SCUBE3: variants seen among roughly 807,000 people sequenced by gnomAD.
SCUBE3 encodes signal peptide, CUB domain and EGF like domain containing 3.
In SCUBE3, 33 loss-of-function variants were observed where a neutral mutation model predicts 116.8. The ratio of observed to expected loss-of-function variants is 0.28; its 90% CI spans 0.21 to 0.38. The LOEUF (loss-of-function observed/expected upper bound fraction) is 0.38, where lower values mean the gene tolerates loss of function less well. Among genes scored for constraint, SCUBE3 ranks in the 10% least tolerant of loss-of-function variants. The pLI is 1.00. For missense variants in SCUBE3, 1,007 were observed against 1,324.8 expected (o/e 0.76, Z 3.72); for synonymous variants, 418 against 496.9 (o/e 0.84, Z 2.11).
In SCUBE3 at chr6:35,241,420, A is replaced by G; in HGVS notation, c.1196-123A>G. The G allele has an allele frequency of 1.8e-6, 2 of 1,124,672 alleles. No individual in the cohort carries two copies. Among genetic ancestry groups the G allele is most frequent in the South Asian group, 1.4e-5 (1 of 73,474 alleles). The allele number at this position is 1,124,672 out of a possible 1,614,324, so 69.7% of individuals were successfully genotyped here. On this transcript the variant is annotated intron_variant, in intron 10 of 21. Transcript: ENST00000274938. This position sits in a 1 kb window ranked among gnomAD's most constrained non-coding sequence, Gnocchi z 4.1. ...GAGTTAAAGACATGAAATTTGTAGT[A>G]AACAATCCCATCATCAGTCTCCATG... is the stretch of plus-strand genomic sequence containing the variant.
rs552873745 is a variant in SCUBE3 at position 35,239,175 on chromosome 6, C to T, written c.830-577C>T. On this transcript the variant is annotated intron_variant, in intron 7 of 21. Coordinates refer to ENST00000274938, the MANE Select transcript of SCUBE3 (RefSeq NM_152753.4). This position sits in a 1 kb window ranked among gnomAD's most constrained non-coding sequence, Gnocchi z 4.1. ...CCAGTCCAGCCCCTTGCCTGGCCCCCAGCCCTCCCCCATCAGCTACCCAGC... is the reference window on the plus strand; with the variant it reads ...CCAGTCCAGCCCCTTGCCTGGCCCCTAGCCCTCCCCCATCAGCTACCCAGC... Among the ~76,000 whole-genome samples, 2 of 152,196 alleles carry T rather than the reference C, an allele frequency of 1.3e-5. No individual in the cohort carries two copies. Among genetic ancestry groups the T allele is most frequent in the Admixed American group, 1.3e-4 (2 of 15,288 alleles).
chr6:35,233,382 G>A lies in SCUBE3; in HGVS notation c.712+81G>A, dbSNP rs1381398541. The stretch of plus-strand genomic sequence containing the variant: ...CTTTGGGAACCAGGGAAGTGGAGGA[G>A]TGCATGGGGCCCAGGTGCTGGGCAC... On this transcript the variant is annotated intron_variant, in intron 6 of 21. Coordinates refer to ENST00000274938, the MANE Select transcript of SCUBE3 (RefSeq NM_152753.4). The surrounding 1 kb of genome is among the most constrained non-coding windows in gnomAD (Gnocchi z 5.7). 9 of 860,378 alleles carry A rather than the reference G, an allele frequency of 1.0e-5. No individual in the cohort carries two copies. The highest frequency in any genetic ancestry group is 1.6e-5 in the African/African-American group (1 of 60,778). The allele number at this position is 860,378 out of a possible 1,614,324, so 53.3% of individuals were successfully genotyped here.
At chr6:35,225,447 A>T (rs1467105360) in intron 1 of SCUBE3, among the ~76,000 whole-genome samples, 1 of 152,230 alleles carries the variant, frequency 6.6e-6, no homozygotes, top group Admixed American at 6.5e-5. Flanking sequence ...CCTATGAACT[A>T]GTCTTCCATG....
At chr6:35,217,579 C>T (rs1468954753) in intron 1 of SCUBE3, among the ~76,000 whole-genome samples, 1 of 151,994 alleles carries the variant, frequency 6.6e-6, no homozygotes, top group Non-Finnish European at 1.5e-5. Context: ...CTTTCTCCCA[C>T]CCTTCTCTTC....
chr6:35,240,938 C>A lies in SCUBE3; in HGVS notation c.1070-203C>A, dbSNP rs2150309671. On this transcript the variant is annotated intron_variant, in intron 9 of 21. Coordinates refer to ENST00000274938, the MANE Select transcript of SCUBE3 (RefSeq NM_152753.4). The surrounding 1 kb of genome is among the most constrained non-coding windows in gnomAD (Gnocchi z 4.6). ...ATTGTAAGAATATTTAACAAGAGAT[C>A]TACCCTCTTAAGTTTTTAAGTGTAC... Among the ~76,000 whole-genome samples, 1 of 152,342 alleles carries A rather than the reference C, an allele frequency of 6.6e-6. No individual in the cohort carries two copies. The highest frequency in any genetic ancestry group is 2.4e-5 in the African/African-American group (1 of 41,582).
chr6:35,220,486 G>A (rs1320882923), intron 1 of SCUBE3: 1 of 152,136 alleles, frequency 6.6e-6, no homozygotes, highest in Non-Finnish European at 1.5e-5. Context: ...ACAATGTTCT[G>A]TTCTTCCCCC....
intron 21 of SCUBE3, among the ~76,000 whole-genome samples, chr6:35,246,568 T>C (rs1159289499): frequency 1.3e-5 from 2 of 152,128 alleles, no homozygotes; most frequent in Non-Finnish European, 2.9e-5. Context: ...AAAGGGAAAG[T>C]GAGGAGAAGA....
intron 13 of SCUBE3, 143 bp from the exon 14 acceptor site, chr6:35,242,479 T>C: frequency 1.1e-6 from 1 of 913,400 alleles, no homozygotes; most frequent in Non-Finnish European, 1.7e-6. Context: ...TCCCAGAATA[T>C]TCCCCTCCAC....
intron 21 of SCUBE3, among the ~76,000 whole-genome samples, chr6:35,247,302 G>C (rs577330959): frequency 6.6e-6 from 1 of 152,116 alleles, no homozygotes; most frequent in East Asian, 1.9e-4. Flanking sequence ...GCTGGGTGTG[G>C]TGGCGGGCGC....
intron 1 of SCUBE3, chr6:35,221,902 A>C (rs1295212355): frequency 6.6e-6 from 1 of 152,298 alleles, no homozygotes; most frequent in Non-Finnish European, 1.5e-5. Context: ...TGGTAGTGTC[A>C]CAGGGAGTGT....
rs771017294 is a variant in SCUBE3, at chr6:35,243,063, G to A, written c.1736G>A (p.Arg579Gln). Residue 579 changes from arginine (R) to glutamine (Q), a missense_variant, in exon 15 of 22, where the codon CGG becomes CAG. By Grantham distance (43) the Arg-to-Gln change is conservative (BLOSUM62 1). Around this residue, in one of 5 missense-constraint regions of SCUBE3, gnomAD observed 544 missense variants for 638.9 expected, o/e 0.85. Transcript: ENST00000274938. This position sits in a 1 kb window ranked among gnomAD's most constrained non-coding sequence, Gnocchi z 6.6. Reference protein sequence around the residue: ...LPCLRQRMERRLKGSLKMLRK... With the variant: ...LPCLRQRMERQLKGSLKMLRK... ...TGCCTCCGACAGCGAATGGAACGGC[G>A]GCTGAAAGGATCCCTGAAGATGCTC... is the stretch of plus-strand genomic sequence containing the variant. 1.7e-5 allele frequency: 28 copies of A among 1,614,004 alleles called. No individual in the cohort carries two copies. Among genetic ancestry groups the A allele is most frequent in the Admixed American group, 1.0e-4 (6 of 60,008 alleles).
chr6:35,243,588 C>T lies in SCUBE3; in HGVS notation c.1910-6C>T. On this transcript the variant is annotated splice_region_variant and splice_polypyrimidine_tract_variant and intron_variant, in intron 15 of 21. Coordinates refer to ENST00000274938, the MANE Select transcript of SCUBE3 (RefSeq NM_152753.4). This position sits in a 1 kb window ranked among gnomAD's most constrained non-coding sequence, Gnocchi z 6.6. ...TGGGTGGCTAGCGCGGCCGACTCTC[C>T]CTCAGTCAGCTGCCCGCAGGGAACG... 2.5e-6 allele frequency: 4 copies of T among 1,601,932 alleles called. 1 individual carries two copies. The South Asian group carries it at 4.4e-5, about 18-fold the overall frequency.
In SCUBE3 at chr6:35,214,395, G is replaced by C. The variant is rs1369373995; in HGVS notation, c.-24G>C. Reference sequence around the variant, plus strand: ...CCTGGCCGCGAGACCGGCCCCGGCGGCTGGGCCGCCAGTAGCTCCAGCCAT... The same window carrying C: ...CCTGGCCGCGAGACCGGCCCCGGCGCCTGGGCCGCCAGTAGCTCCAGCCAT... On this transcript the variant is annotated 5_prime_UTR_variant, in exon 1 of 22. Coordinates refer to ENST00000274938, the MANE Select transcript of SCUBE3 (RefSeq NM_152753.4). The surrounding 1 kb of genome is among the most constrained non-coding windows in gnomAD (Gnocchi z 6.3). The C allele has an allele frequency of 7.1e-7, 1 of 1,412,428 alleles. No individual in the cohort carries two copies. Among genetic ancestry groups the C allele is most frequent in the Non-Finnish European group, 9.3e-7 (1 of 1,078,706 alleles). The allele number at this position is 1,412,428 out of a possible 1,614,324, so 87.5% of individuals were successfully genotyped here. A position where few individuals can be genotyped will look rare whatever the true frequency, so the allele number is the denominator to read the frequency against.
rs761901352 is a variant in SCUBE3 at position 35,240,530 on chromosome 6, C to G, written c.1069+40C>G. 4 of 1,045,666 alleles carry G rather than the reference C, an allele frequency of 3.8e-6. No homozygotes were observed. The South Asian group carries it at 5.7e-5, about 15-fold the overall frequency. 64.8% of individuals were successfully genotyped at this position (1,045,666 alleles called of 1,614,324 possible). A position where few individuals can be genotyped will look rare whatever the true frequency, so the allele number is the denominator to read the frequency against. On this transcript the variant is annotated intron_variant, in intron 9 of 21. Coordinates refer to ENST00000274938, the MANE Select transcript of SCUBE3 (RefSeq NM_152753.4). This position sits in a 1 kb window ranked among gnomAD's most constrained non-coding sequence, Gnocchi z 4.6. Reference sequence around the variant, plus strand: ...TTGCACCCCCAGCCACCCTGGCCCCCTCACCTCTTCACCCTCCAATTGAAC... The same window carrying G: ...TTGCACCCCCAGCCACCCTGGCCCCGTCACCTCTTCACCCTCCAATTGAAC...
In SCUBE3 at chr6:35,250,551, GGAA is replaced by G. The variant is rs758259829; in HGVS notation, c.*1853_*1855del. ...TTTCAGAAGGAAGAAAGAATCAAATGGAAGAAGAATCAAGTCCATGCCCAAGCC... is the reference window on the plus strand; with the variant it reads ...TTTCAGAAGGAAGAAAGAATCAAATGGAAGAATCAAGTCCATGCCCAAGCC... On this transcript the variant is annotated 3_prime_UTR_variant, in exon 22 of 22. Transcript: ENST00000274938. The G allele has an allele frequency of 6.6e-6, 1 of 152,156 alleles. No individual in the cohort carries two copies. The highest frequency in any genetic ancestry group is 1.5e-5 in the Non-Finnish European group (1 of 68,036). The allele number at this position is 152,156 out of a possible 1,614,324, so 9.4% of individuals were successfully genotyped here.
At position 35,233,763 on chromosome 6, in the gene SCUBE3, C is replaced by T. The variant is rs1392746395; in HGVS notation, c.712+462C>T. 6.6e-6 allele frequency among the ~76,000 whole-genome samples: 1 copy of T among 152,212 alleles called. No homozygotes were observed. The highest frequency in any genetic ancestry group is 6.5e-5 in the Admixed American group (1 of 15,286). On this transcript the variant is annotated intron_variant, in intron 6 of 21. Transcript: ENST00000274938. The surrounding 1 kb of genome is among the most constrained non-coding windows in gnomAD (Gnocchi z 5.7). ...TGAGGGTGGGACAGAGTGCTCCTTC[C>T]TGGAACAACCATCCCTGAACTGACT...
Position 35,248,875 on chromosome 6 carries a change from T to C in SCUBE3, c.*170T>C, listed in dbSNP as rs1784455896. ...CCCTTTCTGTCTTTCTAGTTTCCTT[T>C]CCTTGTCTCTCTCTGCCTGCCTCTC... is the stretch of plus-strand genomic sequence containing the variant. On this transcript the variant is annotated 3_prime_UTR_variant, in exon 22 of 22. Coordinates refer to ENST00000274938, the MANE Select transcript of SCUBE3 (RefSeq NM_152753.4). 4.9e-6 allele frequency: 3 copies of C among 612,204 alleles called. No individual in the cohort carries two copies. Among genetic ancestry groups the C allele is most frequent in the Non-Finnish European group, 5.7e-6 (2 of 348,654 alleles). 37.9% of individuals were successfully genotyped at this position (612,204 alleles called of 1,614,324 possible).
chr6:35,227,590 G>A lies in SCUBE3; in HGVS notation c.96G>A (p.Glu32=), dbSNP rs750436873. ...CTCTGCCCCTGCCAGATGTGGATGA[G>A]TGTGTGGAGGGGACTGACAACTGCC... ...QYSKAAQDVD[E]CVEGTDNCHI... Residue 32 remains glutamate (E), a synonymous_variant, in exon 2 of 22, where the codon GAG becomes GAA. Transcript: ENST00000274938. 3.7e-6 allele frequency: 6 copies of A among 1,614,168 alleles called. No individual in the cohort carries two copies. Among genetic ancestry groups the A allele is most frequent in the Middle Eastern group, 1.6e-4 (1 of 6,062 alleles).
In SCUBE3 at chr6:35,235,499, T is replaced by C. The variant is rs1168336805; in HGVS notation, c.712+2198T>C. The stretch of plus-strand genomic sequence containing the variant: ...CACTCAAGCCGTTTCTAATGGTAAA[T>C]ATGTCTGCTCTCTCCGCTTGCTCTC... On this transcript the variant is annotated intron_variant, in intron 6 of 21. Coordinates refer to ENST00000274938, the MANE Select transcript of SCUBE3 (RefSeq NM_152753.4). This position sits in a 1 kb window ranked among gnomAD's most constrained non-coding sequence, Gnocchi z 4.5. 2 of 1,279,516 alleles carry C rather than the reference T, an allele frequency of 1.6e-6. No homozygotes were observed. The highest frequency in any genetic ancestry group is 1.0e-6 in the Non-Finnish European group (1 of 979,532). 79.3% of individuals were successfully genotyped at this position (1,279,516 alleles called of 1,614,324 possible).
Sources: gnomAD v4.1 joint callset for allele counts (sites outside exome capture counted in the v4.1 genomes callset) on GRCh38, gnomAD v4.1.1 for gene constraint, gnomAD v4.1.1 regional missense constraint, Gnocchi (gnomAD v3.1) non-coding constraint, MANE v1.5 for transcripts, NCBI Gene and HGNC (gene_info 2026-07-23, HGNC 2026-07-21) for gene names.